The following SLIT3 variants were observed in gnomAD, a reference collection of about 807,000 sequenced individuals.
The protein encoded by SLIT3 is slit guidance ligand 3, also known as slit homolog 3 protein.
A neutral mutation model predicts 184.0 loss-of-function variants in SLIT3; 68 were observed. The observed-to-expected ratio is 0.37, with a 90% CI of 0.30 to 0.45. The LOEUF is 0.45. Among genes scored for constraint, SLIT3 ranks in the 20% least tolerant of loss-of-function variants. SLIT3 has a pLI of 1.00. For synonymous variants in SLIT3, 831 were observed against 828.6 expected (o/e 1.00, Z -0.05); for missense variants, 1,707 against 2,026.0 (o/e 0.84, Z 3.02).
chr5:168,947,658 G>T (rs1762524397), intron 4 of SLIT3, among the ~76,000 whole-genome samples: 1 of 152,186 alleles, frequency 6.6e-6, no homozygotes, highest in Admixed American at 6.5e-5. Flanking sequence ...CACTGAGCTG[G>T]CTTGGTGGAA....
intron 32 of SLIT3, among the ~76,000 whole-genome samples, chr5:168,677,888 A>G (rs774411547): frequency 1.3e-5 from 2 of 152,134 alleles, no homozygotes; most frequent in Non-Finnish European, 2.9e-5. Flanking sequence ...GGAGTAGGTT[A>G]GTGGGCCCTG....
chr5:168,980,645 C>T (rs780247932), intron 4 of SLIT3, among the ~76,000 whole-genome samples: 2 of 152,130 alleles, frequency 1.3e-5, no homozygotes, highest in African/African-American at 2.4e-5. Context: ...GCCCTTTGAT[C>T]CAGGGCTACA....
At chr5:168,801,470 T>G (rs1216417859) in intron 9 of SLIT3, among the ~76,000 whole-genome samples, 1 of 152,174 alleles carries the variant, frequency 6.6e-6, no homozygotes, top group Non-Finnish European at 1.5e-5. Flanking sequence ...ATGCTCTCAC[T>G]TGTGACTGGA....
intron 3 of SLIT3, among the ~76,000 whole-genome samples, chr5:169,236,240 G>A (rs961297836): frequency 1.9e-4 from 29 of 151,958 alleles, no homozygotes; most frequent in African/African-American, 5.6e-4. Context: ...TTGCTTTTAC[G>A]TCCTTTTGAC....
intron 3 of SLIT3, among the ~76,000 whole-genome samples, chr5:169,221,012 C>A (rs1047218560): frequency 2.0e-5 from 3 of 152,242 alleles, no homozygotes; most frequent in African/African-American, 7.2e-5. Context: ...AGACAAAGTG[C>A]TTTGCCCCAT....
At chr5:168,684,759 T>G (rs1468502211) in intron 31 of SLIT3, among the ~76,000 whole-genome samples, 2 of 152,008 alleles carry the variant, frequency 1.3e-5, no homozygotes, top group African/African-American at 4.8e-5. Flanking sequence ...CGTGAGCCAC[T>G]GCACCTGGCT....
chr5:169,234,418 G>GT (rs989054908), intron 3 of SLIT3, among the ~76,000 whole-genome samples: 4 of 152,024 alleles, frequency 2.6e-5, no homozygotes, highest in Admixed American at 6.6e-5. Context: ...TGTTGTTTTT[G>GT]TTTTTTCTGA....
At chr5:169,233,404 CTTTTTT>C (rs70979127) in intron 3 of SLIT3, among the ~76,000 whole-genome samples, 6 of 145,390 alleles carry the variant, frequency 4.1e-5, no homozygotes, top group Non-Finnish European at 4.5e-5. Context: ...TAGAAATTGT[CTTTTTT>C]TTTTTTTTTG....
intron 4 of SLIT3, among the ~76,000 whole-genome samples, chr5:168,989,620 A>G (rs539232601): frequency 1.3e-5 from 2 of 152,348 alleles, no homozygotes; most frequent in African/African-American, 4.8e-5. Context: ...GTGGTAACCA[A>G]CATCCACCAG....
intron 5 of SLIT3, among the ~76,000 whole-genome samples, chr5:168,871,728 A>G (rs1244783968): frequency 6.6e-6 from 1 of 152,182 alleles, no homozygotes; most frequent in African/African-American, 2.4e-5. Flanking sequence ...TAATTCTCAG[A>G]GATGGAATAA....
At chr5:168,846,123 A>G (rs968200963) in intron 5 of SLIT3, among the ~76,000 whole-genome samples, 3 of 152,260 alleles carry the variant, frequency 2.0e-5, no homozygotes, top group African/African-American at 7.2e-5. Context: ...AAAACGCAAT[A>G]GAGTGATACC....
chr5:168,890,117 G>A (rs1227423519), intron 4 of SLIT3, among the ~76,000 whole-genome samples: 1 of 144,518 alleles, frequency 6.9e-6, no homozygotes, highest in Non-Finnish European at 1.5e-5. Context: ...CCCAGCCTGG[G>A]TGACAAGCGA....
At chr5:168,832,878 G>C (rs1186015741) in intron 6 of SLIT3, among the ~76,000 whole-genome samples, 1 of 152,180 alleles carries the variant, frequency 6.6e-6, no homozygotes, top group Non-Finnish European at 1.5e-5. Context: ...GCAGGTGCCA[G>C]TTTTTGGTCT....
chr5:169,045,799 C>T (rs1757603913), intron 4 of SLIT3, among the ~76,000 whole-genome samples: 1 of 152,136 alleles, frequency 6.6e-6, no homozygotes, highest in South Asian at 2.1e-4. Flanking sequence ...CTTCATGTTC[C>T]CATAGCACCT....
rs1454938390 is a variant in SLIT3 at position 168,696,383 on chromosome 5, T to C, written c.2991A>G (p.Pro997=). ...CGCAGTCGTTGTCCTCACAGTCATC[T>C]GGGTTGATCTCACACCGCTGCCCCT... ...GFEGQRCEIN[P]DDCEDNDCEN... Residue 997 remains proline, a synonymous_variant, in exon 28 of 36, where the codon CCA becomes CCG. Coordinates refer to ENST00000519560, the MANE Select transcript of SLIT3 (RefSeq NM_003062.4). The C allele has an allele frequency of 1.5e-5, 24 of 1,614,070 alleles. No homozygotes were observed. In the Admixed American group the frequency reaches 3.7e-4, roughly 25 times the overall value.
intron 4 of SLIT3, among the ~76,000 whole-genome samples, chr5:169,010,150 C>T (rs1756090514): frequency 6.6e-6 from 1 of 152,114 alleles, no homozygotes; most frequent in South Asian, 2.1e-4. Flanking sequence ...CTGAACAAGA[C>T]CCTAAAAAAG....
intron 4 of SLIT3, among the ~76,000 whole-genome samples, chr5:168,909,181 T>G (rs774356904): frequency 6.6e-6 from 1 of 152,258 alleles, no homozygotes; most frequent in Non-Finnish European, 1.5e-5. Flanking sequence ...ACCCCCGAGC[T>G]GCTCTCACAC....
At chr5:169,112,385 T>A (rs888743794) in intron 4 of SLIT3, among the ~76,000 whole-genome samples, 6 of 152,128 alleles carry the variant, frequency 3.9e-5, no homozygotes, top group African/African-American at 1.4e-4. Context: ...TTGGGTACGT[T>A]CCTTAATTAA....
intron 4 of SLIT3, among the ~76,000 whole-genome samples, chr5:168,951,677 T>C (rs1045513846): frequency 3.5e-4 from 54 of 152,242 alleles, no homozygotes; most frequent in African/African-American, 1.2e-3. Context: ...CAGCATTTGA[T>C]GGGAAAATCC....
Sources: allele counts gnomAD v4.1 joint callset (sites outside exome capture counted in the v4.1 genomes callset), GRCh38; gene constraint gnomAD v4.1.1; transcripts MANE v1.5; gene names NCBI Gene and HGNC (gene_info 2026-07-23, HGNC 2026-07-21).